UGT1A8: variants seen among roughly 807,000 people sequenced by gnomAD.
UGT1A8 encodes UDP-glucuronosyltransferase 1A8.
Under a neutral mutation model 45.3 loss-of-function variants are expected in UGT1A8, and 39 were observed. The ratio of observed to expected loss-of-function variants is 0.86; its 90% CI spans 0.67 to 1.12. The LOEUF is 1.12. Among genes scored for constraint, UGT1A8 ranks in the 50% most tolerant of loss-of-function variants. The probability of loss-of-function intolerance (pLI) is 0.00; values close to 1 mark genes in which losing one functional copy is unlikely to be tolerated. For missense variants in UGT1A8, 719 were observed against 664.9 expected (o/e 1.08, Z -0.90); for synonymous variants, 275 against 249.2 (o/e 1.10, Z -0.97).
intron 1 of UGT1A8, among the ~76,000 whole-genome samples, chr2:233,725,192 A>C (rs1239126007): frequency 1.2e-5 from 1 of 85,448 alleles, no homozygotes; most frequent in African/African-American, 8.6e-5. Flanking sequence ...AGGCAGAGGC[A>C]GAGGCAGAGG....
At chr2:233,638,080 T>A (rs1426129022) in intron 1 of UGT1A8, among the ~76,000 whole-genome samples, 1 of 152,150 alleles carries the variant, frequency 6.6e-6, no homozygotes, top group Non-Finnish European at 1.5e-5. Flanking sequence ...TTTATCTTAG[T>A]AGACTAGAGT....
intron 1 of UGT1A8, among the ~76,000 whole-genome samples, chr2:233,745,073 T>G (rs1693008266): frequency 6.6e-6 from 1 of 151,914 alleles, no homozygotes; most frequent in South Asian, 2.1e-4. Context: ...TTTGTATTGT[T>G]TTTTCATTGC....
chr2:233,751,877 G>T (rs567472475), intron 1 of UGT1A8, among the ~76,000 whole-genome samples: 1 of 152,132 alleles, frequency 6.6e-6, no homozygotes, highest in Admixed American at 6.5e-5. Flanking sequence ...ACCCCGTCTT[G>T]GGTATGTCTT....
At chr2:233,746,981 C>T (rs1456419119) in intron 1 of UGT1A8, among the ~76,000 whole-genome samples, 1 of 151,772 alleles carries the variant, frequency 6.6e-6, no homozygotes, top group Non-Finnish European at 1.5e-5. Flanking sequence ...AGAGCGAGCG[C>T]AGGGTCAGAT....
intron 1 of UGT1A8, chr2:233,760,101 A>G (rs1697321956): frequency 2.6e-6 from 3 of 1,137,760 alleles, no homozygotes; most frequent in Admixed American, 5.6e-5. Context: ...GTTGTTGCCT[A>G]TTAAGAAACC....
intron 1 of UGT1A8, among the ~76,000 whole-genome samples, chr2:233,744,910 G>A (rs1048974476): frequency 2.6e-5 from 4 of 151,812 alleles, no homozygotes; most frequent in Non-Finnish European, 5.9e-5. Context: ...AAATCTAGAT[G>A]CTCAAGCTCC....
intron 1 of UGT1A8, chr2:233,691,488 G>C: frequency 1.0e-6 from 1 of 985,788 alleles, no homozygotes; most frequent in Non-Finnish European, 1.2e-6. Flanking sequence ...ACTTGTGGGT[G>C]GGAACAGGAA....
chr2:233,766,377 AATGT>A (rs1451884562), intron 1 of UGT1A8, among the ~76,000 whole-genome samples: 1 of 151,914 alleles, frequency 6.6e-6, no homozygotes, highest in Non-Finnish European at 1.5e-5. Context: ...AGTTCTTCTC[AATGT>A]CCAGCTGTCC....
chr2:233,712,304 GA>G, intron 1 of UGT1A8, among the ~76,000 whole-genome samples: 1 of 152,194 alleles, frequency 6.6e-6, no homozygotes, highest in African/African-American at 2.4e-5. Context: ...TGTAGATGGA[GA>G]ATCCTCAACA....
intron 1 of UGT1A8, chr2:233,692,407 AT>A (rs1286270347): frequency 6.4e-6 from 1 of 155,608 alleles, no homozygotes; most frequent in Non-Finnish European, 1.4e-5. Context: ...TGAACCTCTG[AT>A]TTTTGCCAAG....
chr2:233,642,784 A>G (rs571716186), intron 1 of UGT1A8, among the ~76,000 whole-genome samples: 53 of 152,316 alleles, frequency 3.5e-4, no homozygotes, highest in Middle Eastern at 3.4e-3. Flanking sequence ...TATTGCCTTG[A>G]TGGTCTTGGA....
At chr2:233,745,784 G>A (rs1693214179) in intron 1 of UGT1A8, among the ~76,000 whole-genome samples, 1 of 151,038 alleles carries the variant, frequency 6.6e-6, no homozygotes, top group Non-Finnish European at 1.5e-5. Flanking sequence ...GCTTAGACAG[G>A]GGGGCTGGGG....
At chr2:233,713,145 C>A in intron 1 of UGT1A8, 1 of 1,614,224 alleles carries the variant, frequency 6.2e-7, no homozygotes, top group Non-Finnish European at 8.5e-7. Flanking sequence ...GCGGGACCTC[C>A]ATGCGAGAGG....
intron 1 of UGT1A8, chr2:233,672,571 C>A (rs1458618874): frequency 6.2e-7 from 1 of 1,613,800 alleles, no homozygotes; most frequent in Non-Finnish European, 8.5e-7. Context: ...CCACATCATG[C>A]ACTTGGAGGA....
At chr2:233,711,334 A>G (rs760435550) in intron 1 of UGT1A8, among the ~76,000 whole-genome samples, 1 of 152,216 alleles carries the variant, frequency 6.6e-6, no homozygotes, top group African/African-American at 2.4e-5. Flanking sequence ...ACACCACTGC[A>G]TGGAGATAGA....
intron 1 of UGT1A8, among the ~76,000 whole-genome samples, chr2:233,667,111 C>T (rs1357939298): frequency 3.9e-5 from 6 of 152,104 alleles, no homozygotes; most frequent in Non-Finnish European, 7.3e-5. Flanking sequence ...AATAAACATA[C>T]GTGTGCATGT....
intron 1 of UGT1A8, among the ~76,000 whole-genome samples, chr2:233,667,952 T>C (rs2074111208): frequency 6.6e-6 from 1 of 152,164 alleles, no homozygotes; most frequent in South Asian, 2.1e-4. Flanking sequence ...AACTTTTTAT[T>C]TTACAATAAA....
At chr2:233,671,805 T>G (rs2074199733) in intron 1 of UGT1A8, 1 of 1,374,934 alleles carries the variant, frequency 7.3e-7, no homozygotes. Context: ...TGTCAGTGAC[T>G]GATTTTTTTT....
chr2:233,737,036 C>T (rs2078836192), intron 1 of UGT1A8, among the ~76,000 whole-genome samples: 1 of 152,178 alleles, frequency 6.6e-6, no homozygotes, highest in Non-Finnish European at 1.5e-5. Flanking sequence ...TCTCAGAGCT[C>T]AAATGCCATA....
Sources: gnomAD v4.1 joint callset for allele counts (sites outside exome capture counted in the v4.1 genomes callset) on GRCh38, gnomAD v4.1.1 for gene constraint, MANE v1.5 for transcripts, NCBI Gene and HGNC (gene_info 2026-07-23, HGNC 2026-07-21) for gene names.